FAM135B: variants seen among roughly 807,000 people sequenced by gnomAD.
The protein encoded by FAM135B is family with sequence similarity 135 member B, also known as protein FAM135B.
A neutral mutation model predicts 127.7 loss-of-function variants in FAM135B; 43 were observed. That is an observed-to-expected ratio of 0.34 (90% CI 0.26 to 0.43). The LOEUF (loss-of-function observed/expected upper bound fraction) is 0.43. Among genes scored for constraint, FAM135B ranks in the 20% least tolerant of loss-of-function variants. The pLI is 1.00. For missense variants in FAM135B, 1,558 were observed against 1,725.6 expected (o/e 0.90, Z 1.72); for synonymous variants, 670 against 665.1 (o/e 1.01, Z -0.11).
intron 1 of FAM135B, among the ~76,000 whole-genome samples, chr8:138,447,984 T>C (rs977985242): frequency 6.6e-6 from 1 of 151,430 alleles, no homozygotes; most frequent in African/African-American, 2.4e-5. Context: ...AAGTAGAAGA[T>C]CATTGTTTAC....
intron 2 of FAM135B, among the ~76,000 whole-genome samples, chr8:138,320,509 A>T (rs1350111026): frequency 6.6e-6 from 1 of 152,196 alleles, no homozygotes; most frequent in Non-Finnish European, 1.5e-5. Context: ...ATTTTCTAAT[A>T]TCGTCTCTCG....
intron 9 of FAM135B, among the ~76,000 whole-genome samples, chr8:138,194,698 G>C (rs1390120056): frequency 6.6e-6 from 1 of 152,176 alleles, no homozygotes; most frequent in Non-Finnish European, 1.5e-5. Flanking sequence ...CTTCTTCATA[G>C]AGAAATAAGA....
At chr8:138,268,612 T>C (rs939617386) in intron 3 of FAM135B, among the ~76,000 whole-genome samples, 1 of 152,138 alleles carries the variant, frequency 6.6e-6, no homozygotes, top group Non-Finnish European at 1.5e-5. Flanking sequence ...ATTGGGATTT[T>C]CCCTTCTTCA....
chr8:138,198,571 G>C (rs1033874826), intron 7 of FAM135B, among the ~76,000 whole-genome samples: 1 of 152,236 alleles, frequency 6.6e-6, no homozygotes, highest in Non-Finnish European at 1.5e-5. Flanking sequence ...GTGAGGTTAA[G>C]TAACCAATGC....
rs1447010176 is a variant in FAM135B at position 138,241,395 on chromosome 8, G to A, written c.669+1547C>T. ...TAAAATCTGCTCCTTCCATGGCACAGAACCCCATTCTGGCTTCAGGTCCCC... is the reference window on the plus strand; with the variant it reads ...TAAAATCTGCTCCTTCCATGGCACAAAACCCCATTCTGGCTTCAGGTCCCC... On this transcript the variant is annotated intron_variant, in intron 7 of 19. Coordinates refer to ENST00000395297, the MANE Select transcript of FAM135B (RefSeq NM_015912.4). This position sits in a 1 kb window ranked among gnomAD's most constrained non-coding sequence, Gnocchi z 4.8. 6.6e-6 allele frequency among the ~76,000 whole-genome samples: 1 copy of A among 152,178 alleles called. No homozygotes were observed. Among genetic ancestry groups the A allele is most frequent in the East Asian group, 1.9e-4 (1 of 5,188 alleles).
intron 12 of FAM135B, among the ~76,000 whole-genome samples, chr8:138,158,236 T>C (rs1818967699): frequency 6.6e-6 from 1 of 152,218 alleles, no homozygotes; most frequent in Non-Finnish European, 1.5e-5. Flanking sequence ...CTGGGAAAAC[T>C]GGCTAGCCAT....
At chr8:138,417,553 G>A (rs1446104557) in intron 1 of FAM135B, among the ~76,000 whole-genome samples, 3 of 152,198 alleles carry the variant, frequency 2.0e-5, no homozygotes, top group Non-Finnish European at 4.4e-5. Flanking sequence ...AAGCATGCTT[G>A]CCAGCATTGC....
chr8:138,338,305 C>G (rs1245800400), intron 2 of FAM135B, among the ~76,000 whole-genome samples: 1 of 151,328 alleles, frequency 6.6e-6, no homozygotes, highest in Non-Finnish European at 1.5e-5. Flanking sequence ...AAGAAACTAC[C>G]ATCAGAGTGA....
At chr8:138,240,381 G>A (rs987642676) in intron 7 of FAM135B, among the ~76,000 whole-genome samples, 2 of 152,138 alleles carry the variant, frequency 1.3e-5, no homozygotes, top group Non-Finnish European at 2.9e-5. Flanking sequence ...CAGGTCTAAC[G>A]TTCTGAGCTG....
intron 13 of FAM135B, 189 bp from the exon 14 acceptor site, chr8:138,148,875 C>T (rs1817871833): frequency 2.6e-6 from 1 of 389,684 alleles, no homozygotes; most frequent in Admixed American, 4.6e-5. Context: ...GGCAGGAAAG[C>T]ACTCTATAAA....
chr8:138,337,478 G>A (rs35548283), intron 2 of FAM135B, among the ~76,000 whole-genome samples: 150,068 of 150,884 alleles, frequency 0.99, 74,636 homozygotes, highest in East Asian at 1. Context: ...ACAAACAGAG[G>A]GCCAAATCAT....
intron 7 of FAM135B, among the ~76,000 whole-genome samples, chr8:138,236,812 A>G (rs1226709060): frequency 6.6e-6 from 1 of 152,188 alleles, no homozygotes; most frequent in Non-Finnish European, 1.5e-5. Flanking sequence ...CCTTTGTTTC[A>G]TGTACAACAT....
intron 11 of FAM135B, among the ~76,000 whole-genome samples, chr8:138,176,887 T>G (rs1400222106): frequency 1.3e-5 from 2 of 152,190 alleles, no homozygotes; most frequent in Non-Finnish European, 2.9e-5. Flanking sequence ...CCTTTCAATT[T>G]TTTTTCTGGA....
At chr8:138,263,719 C>G (rs985878693) in intron 4 of FAM135B, among the ~76,000 whole-genome samples, 4 of 152,114 alleles carry the variant, frequency 2.6e-5, no homozygotes, top group African/African-American at 9.7e-5. Context: ...AAACAGGGCA[C>G]ATGGTGGATG....
At chr8:138,170,696 T>C (rs1820355456) in intron 11 of FAM135B, among the ~76,000 whole-genome samples, 3 of 152,162 alleles carry the variant, frequency 2.0e-5, no homozygotes, top group Admixed American at 6.5e-5. Context: ...TTATTCTCAA[T>C]TCTTCTGCTG....
At chr8:138,246,227 A>C (rs1258633662) in intron 6 of FAM135B, among the ~76,000 whole-genome samples, 1 of 152,214 alleles carries the variant, frequency 6.6e-6, no homozygotes, top group Non-Finnish European at 1.5e-5. Flanking sequence ...AAATTTGCAT[A>C]AGTAATGAGG....
intron 2 of FAM135B, among the ~76,000 whole-genome samples, chr8:138,338,859 C>T (rs1162347710): frequency 6.6e-6 from 1 of 152,040 alleles, no homozygotes; most frequent in Admixed American, 6.6e-5. Flanking sequence ...TGGAACCAAC[C>T]CAAATGTCCA....
intron 2 of FAM135B, among the ~76,000 whole-genome samples, chr8:138,326,706 G>A (rs113691054): frequency 0.013 from 1,918 of 152,274 alleles, 37 homozygotes; most frequent in African/African-American, 0.043. Context: ...CAGGTGCTCA[G>A]AAAGACCAGG....
At chr8:138,308,311 G>A (rs1341672467) in intron 3 of FAM135B, among the ~76,000 whole-genome samples, 2 of 152,234 alleles carry the variant, frequency 1.3e-5, no homozygotes, top group Non-Finnish European at 2.9e-5. Flanking sequence ...GATCTCAGCT[G>A]AAGGTAGTGC....
Sources: allele counts gnomAD v4.1 joint callset (sites outside exome capture counted in the v4.1 genomes callset), GRCh38; gene constraint gnomAD v4.1.1; non-coding constraint Gnocchi (gnomAD v3.1); transcripts MANE v1.5; gene names NCBI Gene and HGNC (gene_info 2026-07-23, HGNC 2026-07-21).